PGGT1B: variants seen among roughly 807,000 people sequenced by gnomAD.
PGGT1B encodes geranylgeranyl transferase type-1 subunit beta.
Under a neutral mutation model 46.1 loss-of-function variants are expected in PGGT1B, and 30 were observed. The ratio of observed to expected loss-of-function variants is 0.65; its 90% CI spans 0.49 to 0.88. PGGT1B has a LOEUF of 0.88. PGGT1B is among the 40% of genes least tolerant of loss of function. The probability of loss-of-function intolerance (pLI) is 0.00; values close to 1 mark genes in which losing one functional copy is unlikely to be tolerated. For missense variants in PGGT1B, 376 were observed against 455.9 expected, an observed-to-expected ratio of 0.82 and a Z score of 1.60; for synonymous variants, 170 against 160.0, an observed-to-expected ratio of 1.06 and a Z score of -0.47.
chr5:115,219,396 A>C (rs1756520284), intron 7 of PGGT1B, among the ~76,000 whole-genome samples: 1 of 151,930 alleles, frequency 6.6e-6, no homozygotes. Flanking sequence ...AGATATCCAC[A>C]TGTCAAAGAA....
chr5:115,256,382 T>C (rs1164395147), intron 1 of PGGT1B, among the ~76,000 whole-genome samples: 3 of 152,216 alleles, frequency 2.0e-5, no homozygotes, highest in Non-Finnish European at 4.4e-5. Context: ...TGGATATGAA[T>C]GCACTCTACA....
chr5:115,215,660 T>C (rs987053973), intron 8 of PGGT1B, among the ~76,000 whole-genome samples: 3 of 152,194 alleles, frequency 2.0e-5, no homozygotes, highest in Non-Finnish European at 4.4e-5. Flanking sequence ...TTCCTGCTCA[T>C]TTCAAATACA....
intron 6 of PGGT1B, among the ~76,000 whole-genome samples, chr5:115,226,032 A>G (rs1756770708): frequency 7.0e-6 from 1 of 143,842 alleles, no homozygotes; most frequent in African/African-American, 2.5e-5. Flanking sequence ...TAAAAGAATC[A>G]TGGAACCAAA....
intron 3 of PGGT1B, among the ~76,000 whole-genome samples, chr5:115,240,912 C>T (rs1273727755): frequency 6.6e-6 from 1 of 152,196 alleles, no homozygotes; most frequent in African/African-American, 2.4e-5. Flanking sequence ...GGAACACCTA[C>T]AAAGTTTCTT....
At chr5:115,260,166 C>T (rs1748494221) in intron 1 of PGGT1B, among the ~76,000 whole-genome samples, 1 of 152,094 alleles carries the variant, frequency 6.6e-6, no homozygotes, top group South Asian at 2.1e-4. Context: ...AAGTCATTGT[C>T]ACTAGAAAAG....
intron 1 of PGGT1B, among the ~76,000 whole-genome samples, chr5:115,262,267 G>A (rs1209144661): frequency 1.3e-5 from 2 of 152,184 alleles, no homozygotes; most frequent in Non-Finnish European, 2.9e-5. Flanking sequence ...TAAGACCTTA[G>A]AGGTTCTCTG....
chr5:115,236,472 C>G lies in PGGT1B; in HGVS notation c.530G>C (p.Cys177Ser). Residue 177 changes from cysteine (C) to serine (S), a missense_variant, in exon 5 of 9, where the codon TGT (cysteine) becomes TCT (serine). Physicochemically the swap from Cys to Ser is moderately radical, Grantham distance 112. This residue lies in a region of PGGT1B where 222 missense variants were observed against 313.6 expected (regional missense o/e 0.71). Transcript: ENST00000419445. Reference sequence around the variant, plus strand: ...GAGCATATAGCAAATACAGGAAGCACAGTACACAAATCGCATGTCATTTTC... The same window carrying G: ...GAGCATATAGCAAATACAGGAAGCAGAGTACACAAATCGCATGTCATTTTC... ...GSENDMRFVYCASCICYMLNN... is the reference protein window; with the variant it reads ...GSENDMRFVYSASCICYMLNN... 6.3e-7 allele frequency: 1 copy of G among 1,580,162 alleles called. No homozygotes were observed. Among genetic ancestry groups the G allele is most frequent in the Non-Finnish European group, 8.6e-7 (1 of 1,166,274 alleles).
intron 6 of PGGT1B, among the ~76,000 whole-genome samples, chr5:115,225,756 G>A (rs1198564927): frequency 6.7e-6 from 1 of 149,954 alleles, no homozygotes; most frequent in Non-Finnish European, 1.5e-5. Flanking sequence ...AACAATTCTT[G>A]TGCCTCTGCC....
At chr5:115,255,491 A>G (rs575280364) in intron 1 of PGGT1B, among the ~76,000 whole-genome samples, 2 of 152,328 alleles carry the variant, frequency 1.3e-5, no homozygotes, top group South Asian at 2.1e-4. Context: ...TGGTTTTGAT[A>G]TAATACATAA....
intron 2 of PGGT1B, among the ~76,000 whole-genome samples, 165 bp from the exon 3 acceptor site, chr5:115,241,771 T>C (rs1439989727): frequency 6.6e-6 from 1 of 152,214 alleles, no homozygotes. Flanking sequence ...TAGGTGCTTA[T>C]GGGAATTTCC....
intron 2 of PGGT1B, among the ~76,000 whole-genome samples, chr5:115,248,863 C>G (rs56400472): frequency 0.029 from 4,458 of 152,216 alleles, 74 homozygotes; most frequent in South Asian, 0.057. Flanking sequence ...AAGAATAAAT[C>G]TATCTGATTA....
intron 1 of PGGT1B, chr5:115,262,500 G>T: frequency 1.9e-6 from 1 of 528,588 alleles, no homozygotes. Flanking sequence ...CCGGAAACTG[G>T]AGATGCCACA....
rs548379841 is a variant in PGGT1B at position 115,253,400 on chromosome 5, T to C, written c.141-145A>G. ...ACCTTGCAAAAGCAAAAAATATATA[T>C]ATACATATTCTTGTAACTTAATACT... On this transcript the variant is annotated intron_variant, in intron 1 of 8. Coordinates refer to ENST00000419445, the MANE Select transcript of PGGT1B (RefSeq NM_005023.4). 73 of 573,898 alleles carry C rather than the reference T, an allele frequency of 1.3e-4. No individual in the cohort carries two copies. In the African/African-American group the frequency reaches 1.4e-3, roughly 11 times the overall value. The allele number at this position is 573,898 out of a possible 1,614,324, so 35.6% of individuals were successfully genotyped here.
At chr5:115,240,412 G>T (rs1453931655) in intron 3 of PGGT1B, among the ~76,000 whole-genome samples, 1 of 152,058 alleles carries the variant, frequency 6.6e-6, no homozygotes. Flanking sequence ...CTAGTGGCAC[G>T]ATATTCTGTT....
At chr5:115,262,084 CAAAG>C (rs1748580947) in intron 1 of PGGT1B, among the ~76,000 whole-genome samples, 1 of 152,224 alleles carries the variant, frequency 6.6e-6, no homozygotes, top group Admixed American at 6.5e-5. Context: ...CAATGCGGAG[CAAAG>C]ATTGCCTTCT....
At position 115,237,984 on chromosome 5, in the gene PGGT1B, T is replaced by C; in HGVS notation, c.353A>G (p.Asp118Gly). 2 of 1,610,566 alleles carry C rather than the reference T, an allele frequency of 1.2e-6. No individual in the cohort carries two copies. The highest frequency in any genetic ancestry group is 8.5e-7 in the Non-Finnish European group (1 of 1,178,342). The change falls in exon 4 of 9, where the codon GAT (aspartate) becomes GGT (glycine). Residue 118 changes from aspartate to glycine, a missense_variant. Coordinates refer to ENST00000419445, the MANE Select transcript of PGGT1B (RefSeq NM_005023.4). The part of the protein sequence containing the change: ...SKAPGTAHPY[D>G]SGHIAMTYTG... The stretch of plus-strand genomic sequence containing the variant: ...GTAGGTCATTGCAATGTGGCCACTA[T>C]CATAAGGATGAGCTGTTCCAGGAGC...
In PGGT1B at chr5:115,211,289, TAAAAC is replaced by T. The variant is rs1023627526; in HGVS notation, c.*1108_*1112del. On this transcript the variant is annotated 3_prime_UTR_variant, in exon 9 of 9. Coordinates refer to ENST00000419445, the MANE Select transcript of PGGT1B (RefSeq NM_005023.4). ...TTTATAATTAGCTAGTTCATAGACT[TAAAAC>T]AAAACAATGAACAAAAACAAAACCC... The T allele has an allele frequency of 7.2e-5, 11 of 151,990 alleles. No individual in the cohort carries two copies. The highest frequency in any genetic ancestry group is 1.5e-4 in the Non-Finnish European group (10 of 67,910). 9.4% of individuals were successfully genotyped at this position (151,990 alleles called of 1,614,324 possible).
Position 115,208,652 on chromosome 5 carries a change from G to A in PGGT1B, c.*3750C>T, listed in dbSNP as rs975590116. ...GGTAGTTTATCTGACTCAACTCCCCGCACTACCCATCACCAACTTGGATTT... is the reference window on the plus strand; with the variant it reads ...GGTAGTTTATCTGACTCAACTCCCCACACTACCCATCACCAACTTGGATTT... On this transcript the variant is annotated 3_prime_UTR_variant, in exon 9 of 9. Transcript: ENST00000419445. 4.0e-5 allele frequency: 6 copies of A among 151,594 alleles called. No individual in the cohort carries two copies. Among genetic ancestry groups the A allele is most frequent in the Non-Finnish European group, 5.9e-5 (4 of 67,826 alleles). 9.4% of individuals were successfully genotyped at this position (151,594 alleles called of 1,614,324 possible).
chr5:115,231,154 C>T (rs763203700), intron 5 of PGGT1B, 133 bp from the exon 6 acceptor site: 92 of 503,010 alleles, frequency 1.8e-4, no homozygotes, highest in Non-Finnish European at 2.5e-4. Context: ...CCAAAATATG[C>T]GTTTTTCCCC....
Sources: gnomAD v4.1 joint callset for allele counts (sites outside exome capture counted in the v4.1 genomes callset) on GRCh38, gnomAD v4.1.1 for gene constraint, gnomAD v4.1.1 regional missense constraint, MANE v1.5 for transcripts, NCBI Gene and HGNC (gene_info 2026-07-23, HGNC 2026-07-21) for gene names.